Variants in HDAC9 observed in about 807,000 individuals in gnomAD.
HDAC9 encodes histone deacetylase 9, also known as MEF-2 interacting transcription repressor (MITR) protein.
Under a neutral mutation model 139.4 loss-of-function variants are expected in HDAC9, and 41 were observed. The ratio of observed to expected loss-of-function variants is 0.29; its 90% CI spans 0.23 to 0.38. The LOEUF is 0.38. Ranked by LOEUF, HDAC9 falls within the 10% of genes least tolerant of loss-of-function variation. The pLI, the probability that HDAC9 is intolerant of heterozygous loss-of-function variation, is 1.00. For missense variants in HDAC9, 1,147 were observed against 1,297.0 expected (o/e 0.88, Z 1.78); for synonymous variants, 517 against 476.2 (o/e 1.09, Z -1.12).
At position 18,954,153 on chromosome 7, in the gene HDAC9, C is replaced by T; in HGVS notation, c.2945C>T (p.Pro982Leu). The part of the protein sequence containing the change: ...VNALLGNELE[P>L]LAEDILHQSP... ...TATCTACTATTCTTGCAGCTGGAGC[C>T]ACTTGCAGAAGATATTCTCCACCAA... The change falls in exon 24 of 26, where the codon CCA (proline) becomes CTA (leucine). Residue 982 changes from proline to leucine, a missense_variant. Pro to Leu is a moderately conservative substitution (Grantham distance 98). Around this residue, in one of 7 missense-constraint regions of HDAC9, gnomAD observed 407 missense variants for 521.5 expected, o/e 0.78. Transcript: ENST00000686413. 6.4e-7 allele frequency: 1 copy of T among 1,563,244 alleles called. No homozygotes were observed. The highest frequency in any genetic ancestry group is 8.7e-7 in the Non-Finnish European group (1 of 1,147,364).
chr7:18,714,474 A>G (rs932744991), intron 12 of HDAC9, among the ~76,000 whole-genome samples: 11 of 152,042 alleles, frequency 7.2e-5, no homozygotes, highest in African/African-American at 2.7e-4. Context: ...ATTCCCCAGA[A>G]TCTCCATAAC....
chr7:18,974,660 C>T (rs1422333608), intron 24 of HDAC9, among the ~76,000 whole-genome samples: 1 of 152,158 alleles, frequency 6.6e-6, no homozygotes, highest in Non-Finnish European at 1.5e-5. Context: ...GCATGGGGAA[C>T]AGATGGGGAG....
Position 18,954,102 on chromosome 7 carries a change from A to C in HDAC9, c.2938-44A>C, listed in dbSNP as rs149236112. ...CTTTGCTTCTGTGAGACTTACTATA[A>C]AGTCATAATATTCTGCTCATACTAT... On this transcript the variant is annotated intron_variant, in intron 23 of 25. Coordinates refer to ENST00000686413, the MANE Select transcript of HDAC9 (RefSeq NM_178425.4). 908 of 1,329,756 alleles carry C rather than the reference A, an allele frequency of 6.8e-4. 7 individuals carry two copies. The Admixed American group carries it at 0.011, about 16-fold the overall frequency. The allele number at this position is 1,329,756 out of a possible 1,614,324, so 82.4% of individuals were successfully genotyped here.
At chr7:18,888,577 T>C (rs1800383628) in intron 22 of HDAC9, among the ~76,000 whole-genome samples, 3 of 152,226 alleles carry the variant, frequency 2.0e-5, no homozygotes, top group Admixed American at 6.5e-5. Flanking sequence ...AGTGTCTATA[T>C]CCTATCGACC....
chr7:18,666,019 A>G (rs1486880522), intron 11 of HDAC9, among the ~76,000 whole-genome samples, 194 bp from the exon 12 acceptor site: 1 of 152,140 alleles, frequency 6.6e-6, no homozygotes, highest in Non-Finnish European at 1.5e-5. Flanking sequence ...TACTGGACCC[A>G]TACAATATGG....
intron 12 of HDAC9, among the ~76,000 whole-genome samples, chr7:18,706,237 A>G (rs975997741): frequency 8.1e-5 from 10 of 123,102 alleles, no homozygotes; most frequent in African/African-American, 3.2e-4. Flanking sequence ...TAAACATTTC[A>G]TTTGCGTAAT....
intron 17 of HDAC9, among the ~76,000 whole-genome samples, chr7:18,796,804 A>G (rs996434556): frequency 2.6e-5 from 4 of 152,216 alleles, no homozygotes; most frequent in African/African-American, 9.6e-5. Context: ...ACATTTTGTA[A>G]TCATAAATAA....
chr7:18,656,080 C>T (rs1208282972), intron 11 of HDAC9, among the ~76,000 whole-genome samples: 2 of 147,856 alleles, frequency 1.4e-5, no homozygotes, highest in African/African-American at 5.1e-5. Context: ...TGGTAGCTTG[C>T]AAGTTCCTGG....
At chr7:18,530,399 G>A (rs1278423924) in intron 2 of HDAC9, among the ~76,000 whole-genome samples, 1 of 152,112 alleles carries the variant, frequency 6.6e-6, no homozygotes, top group African/African-American at 2.4e-5. Context: ...ACACATGACT[G>A]CTTCAGAATA....
chr7:18,937,103 G>A (rs937904686), intron 23 of HDAC9, among the ~76,000 whole-genome samples: 2 of 142,510 alleles, frequency 1.4e-5, no homozygotes, highest in Non-Finnish European at 3.0e-5. Context: ...GCAGTGGCGC[G>A]ATCTCGGCTC....
At chr7:18,338,544 CT>C (rs1474786295) in intron 1 of HDAC9, among the ~76,000 whole-genome samples, 1 of 151,580 alleles carries the variant, frequency 6.6e-6, no homozygotes, top group Non-Finnish European at 1.5e-5. Context: ...TTTCCTACTT[CT>C]ACTGAAAAGT....
At chr7:18,909,075 A>T (rs907698338) in intron 22 of HDAC9, among the ~76,000 whole-genome samples, 2 of 152,026 alleles carry the variant, frequency 1.3e-5, no homozygotes, top group African/African-American at 4.8e-5. Context: ...TGTCTTTTTC[A>T]TAATAGCCAT....
chr7:18,716,090 T>C (rs1784677492), intron 12 of HDAC9, among the ~76,000 whole-genome samples: 2 of 152,212 alleles, frequency 1.3e-5, no homozygotes, highest in African/African-American at 4.8e-5. Context: ...GCTCAAGAGA[T>C]CCATCTTATT....
intron 17 of HDAC9, among the ~76,000 whole-genome samples, chr7:18,822,637 G>A (rs1795073501): frequency 6.6e-6 from 1 of 152,174 alleles, no homozygotes. Flanking sequence ...ACAGGCGTGA[G>A]CCAGCACACC....
At chr7:18,991,923 G>A (rs1213712746) in intron 25 of HDAC9, among the ~76,000 whole-genome samples, 1 of 152,184 alleles carries the variant, frequency 6.6e-6, no homozygotes, top group Non-Finnish European at 1.5e-5. Flanking sequence ...TCATTGCTAT[G>A]TTCCTAGTGC....
intron 1 of HDAC9, among the ~76,000 whole-genome samples, chr7:18,155,376 A>G (rs1489608228): frequency 6.6e-6 from 1 of 152,146 alleles, no homozygotes; most frequent in Non-Finnish European, 1.5e-5. Flanking sequence ...TTTAAAAATC[A>G]AGGCTTACTA....
At chr7:18,114,527 C>T (rs1440907241) in intron 1 of HDAC9, among the ~76,000 whole-genome samples, 1 of 152,174 alleles carries the variant, frequency 6.6e-6, no homozygotes, top group Non-Finnish European at 1.5e-5. Context: ...TCCTTACCTG[C>T]AGGCCTGGGA....
intron 12 of HDAC9, among the ~76,000 whole-genome samples, chr7:18,691,197 C>T (rs1782648027): frequency 6.6e-6 from 1 of 151,824 alleles, no homozygotes; most frequent in Non-Finnish European, 1.5e-5. Context: ...CATGGCAAAC[C>T]ACTGAGAGCA....
At chr7:18,473,662 T>A (rs1193077801) in intron 1 of HDAC9, among the ~76,000 whole-genome samples, 1 of 152,228 alleles carries the variant, frequency 6.6e-6, no homozygotes. Flanking sequence ...TTAGCAACCC[T>A]GAGTTCTTTC....
Sources: allele counts gnomAD v4.1 joint callset (sites outside exome capture counted in the v4.1 genomes callset), GRCh38; gene constraint gnomAD v4.1.1; regional missense constraint gnomAD v4.1.1; transcripts MANE v1.5; gene names NCBI Gene and HGNC (gene_info 2026-07-23, HGNC 2026-07-21).